Variants in BLZF1 observed in about 807,000 individuals in gnomAD.
BLZF1 encodes basic leucine zipper nuclear factor 1.
A neutral mutation model predicts 43.8 loss-of-function variants in BLZF1; 39 were observed. That is an observed-to-expected ratio of 0.89 (90% CI 0.69 to 1.16). The LOEUF (loss-of-function observed/expected upper bound fraction) is 1.16. Ranked by LOEUF, BLZF1 falls within the 50% of genes most tolerant of loss-of-function variation. BLZF1 has a pLI of 0.00. For missense variants in BLZF1, 449 were observed against 469.8 expected (o/e 0.96, Z 0.41); for synonymous variants, 136 against 159.4 (o/e 0.85, Z 1.11).
At position 169,369,565 on chromosome 1, in the gene BLZF1, T is replaced by TA; in HGVS notation, c.28+16dup. 1 of 1,586,088 alleles carries TA rather than the reference T, an allele frequency of 6.3e-7. No individual in the cohort carries two copies. The highest frequency in any genetic ancestry group is 1.1e-5 in the South Asian group (1 of 89,564). On this transcript the variant is annotated intron_variant, in intron 2 of 6. Coordinates refer to ENST00000367808, the MANE Select transcript of BLZF1 (RefSeq NM_001320973.2). ...AGAAACCAAAGGTAAGTGGCTTTTT[T>TA]ATAATTGTTTTTAAAACATGACATT...
chr1:169,381,985 G>A (rs1654539706), intron 5 of BLZF1, 77 bp from the exon 6 acceptor site: 1 of 1,037,636 alleles, frequency 9.6e-7, no homozygotes, highest in Admixed American at 2.3e-5. Context: ...AGAAATATTT[G>A]TATTACCTAT....
Position 169,382,116 on chromosome 1 carries a change from C to A in BLZF1, c.852C>A (p.Ser284=). Residue 284 remains serine, a synonymous_variant, in exon 6 of 7, where the codon TCC becomes TCA. Coordinates refer to ENST00000367808, the MANE Select transcript of BLZF1 (RefSeq NM_001320973.2). ...AATGGGGAAGAGAGCAAACTTACTCCCCTAGTGTACAACCCCACAGCACAG... is the reference window on the plus strand; with the variant it reads ...AATGGGGAAGAGAGCAAACTTACTCACCTAGTGTACAACCCCACAGCACAG... ...SLQWGREQTY[S]PSVQPHSTAE... 1.9e-6 allele frequency: 3 copies of A among 1,613,796 alleles called. No individual in the cohort carries two copies. The highest frequency in any genetic ancestry group is 2.5e-6 in the Non-Finnish European group (3 of 1,179,776).
downstream of BLZF1, among the ~76,000 whole-genome samples, chr1:169,390,670 C>G (rs897076467): frequency 2.0e-5 from 3 of 152,186 alleles, no homozygotes; most frequent in Admixed American, 2.0e-4. Flanking sequence ...GAGGCTAGAC[C>G]ATGTGATGCT....
In BLZF1 at chr1:169,393,666, A is replaced by G. The variant is rs575131108; in HGVS notation, c.*28-2228A>G. On this transcript the variant is annotated intron_variant, in intron 7 of 7. Coordinates refer to the BLZF1 transcript ENST00000329281. ...ACCCAGGCTGGAGTGCAGTGATGCA[A>G]TCTTGGCTCACTGCAACCTCCACTT... Among the ~76,000 whole-genome samples the G allele has an allele frequency of 2.8e-4, 42 of 149,040 alleles. No individual in the cohort carries two copies. The South Asian group carries it at 5.0e-3, about 18-fold the overall frequency.
chr1:169,368,876 A>T (rs1180479905), intron 1 of BLZF1, among the ~76,000 whole-genome samples: 1 of 151,990 alleles, frequency 6.6e-6, no homozygotes, highest in African/African-American at 2.4e-5. Context: ...TCACCTTCTT[A>T]TATGTTCTCT....
chr1:169,380,642 G>T (rs747713431), intron 5 of BLZF1, 33 bp downstream of exon 5: 1 of 1,601,716 alleles, frequency 6.2e-7, no homozygotes, highest in Non-Finnish European at 8.5e-7. Context: ...GAACTCTTCT[G>T]CTTTCTCCTG....
intron 2 of BLZF1, among the ~76,000 whole-genome samples, chr1:169,373,595 G>A (rs560869140): frequency 1.4e-4 from 22 of 152,254 alleles, no homozygotes; most frequent in African/African-American, 4.8e-4. Context: ...GAGCTCTCAC[G>A]TAATATATAA....
At chr1:169,369,347 A>G (rs1482729213) in intron 1 of BLZF1, 126 bp from the exon 2 acceptor site, 3 of 501,368 alleles carry the variant, frequency 6.0e-6, no homozygotes, top group African/African-American at 2.0e-5. Flanking sequence ...TATAAGGGAC[A>G]TTTCTCTTTC....
chr1:169,392,995 G>C (rs937832107), downstream of BLZF1, among the ~76,000 whole-genome samples: 2 of 152,122 alleles, frequency 1.3e-5, no homozygotes, highest in South Asian at 4.1e-4. Context: ...AGCGATTCTA[G>C]CAAAGTACTG....
intron 6 of BLZF1, 76 bp from the exon 7 acceptor site, chr1:169,386,920 TA>T (rs1435349874): frequency 1.0e-6 from 1 of 990,058 alleles, no homozygotes. Flanking sequence ...ACTTTATAGG[TA>T]GGTATACATC....
chr1:169,370,309 G>C (rs953828946), intron 2 of BLZF1, among the ~76,000 whole-genome samples: 8 of 152,168 alleles, frequency 5.3e-5, no homozygotes, highest in Non-Finnish European at 8.8e-5. Context: ...CTGAGGTAGT[G>C]GGGGGTTAGT....
Position 169,376,770 on chromosome 1 carries a change from G to A in BLZF1, c.259G>A (p.Ala87Thr). 3 of 1,613,318 alleles carry A rather than the reference G, an allele frequency of 1.9e-6. No individual in the cohort carries two copies. The highest frequency in any genetic ancestry group is 2.5e-6 in the Non-Finnish European group (3 of 1,179,566). The change falls in exon 3 of 7, where the codon GCT (alanine) becomes ACT (threonine). Residue 87 changes from alanine (A) to threonine (T), a missense_variant. Physicochemically the swap from Ala to Thr is moderately conservative, Grantham distance 58 (BLOSUM62 0). Coordinates refer to ENST00000367808, the MANE Select transcript of BLZF1 (RefSeq NM_001320973.2). ...TGTAAGAATATTAGTTCCCAAAGCT[G>A]CTATAACTCATGATATCCCCAACAA... ...KAVRILVPKA[A>T]ITHDIPNKNT...
intron 2 of BLZF1, among the ~76,000 whole-genome samples, chr1:169,373,792 G>A (rs1654206088): frequency 6.6e-6 from 1 of 152,014 alleles, no homozygotes; most frequent in Non-Finnish European, 1.5e-5. Flanking sequence ...TAATCATTTT[G>A]TAATTTGTTC....
chr1:169,379,670 T>G (rs1221628894), intron 4 of BLZF1, among the ~76,000 whole-genome samples: 1 of 152,052 alleles, frequency 6.6e-6, no homozygotes, highest in Non-Finnish European at 1.5e-5. Flanking sequence ...TGGTAGTAAC[T>G]GCAGTCTCAG....
At position 169,375,311 on chromosome 1, in the gene BLZF1, G is replaced by A. The variant is rs1438714604; in HGVS notation, c.29-1229G>A. 2.8e-5 allele frequency among the ~76,000 whole-genome samples: 4 copies of A among 145,116 alleles called. No individual in the cohort carries two copies. The Admixed American group carries it at 2.8e-4, about 10-fold the overall frequency. On this transcript the variant is annotated intron_variant, in intron 2 of 6. Coordinates refer to ENST00000367808, the MANE Select transcript of BLZF1 (RefSeq NM_001320973.2). ...ATTCTGTTTTAAGTCTTTGTTTTAG[G>A]AGATTACATTACACACACACATATA...
chr1:169,384,696 C>A (rs897508472), intron 6 of BLZF1, among the ~76,000 whole-genome samples: 5 of 152,112 alleles, frequency 3.3e-5, no homozygotes, highest in Non-Finnish European at 7.4e-5. Context: ...TCTTTTGTTG[C>A]CCAACCTCTG....
downstream of BLZF1, among the ~76,000 whole-genome samples, chr1:169,389,861 A>G (rs1318729952): frequency 1.3e-5 from 2 of 152,236 alleles, no homozygotes; most frequent in African/African-American, 2.4e-5. Flanking sequence ...TCAAATGTCA[A>G]ATGATTCCAT....
rs770036329 is a variant in BLZF1, at chr1:169,382,246, T to G, written c.982T>G (p.Phe328Val). ...NQKKIPSTVEFCSTPAEKMAE... is the reference protein window; with the variant it reads ...NQKKIPSTVEVCSTPAEKMAE... ...AAAAAAGATTCCATCAACAGTTGAATTCTGCAGCACCCCAGCTGAGAAAAT... is the reference window on the plus strand; with the variant it reads ...AAAAAAGATTCCATCAACAGTTGAAGTCTGCAGCACCCCAGCTGAGAAAAT... The change falls in exon 6 of 7, where the codon TTC becomes GTC. Residue 328 changes from phenylalanine (F) to valine (V), a missense_variant. Coordinates refer to ENST00000367808, the MANE Select transcript of BLZF1 (RefSeq NM_001320973.2). The G allele has an allele frequency of 6.2e-7, 1 of 1,613,748 alleles. No individual in the cohort carries two copies. The highest frequency in any genetic ancestry group is 8.5e-7 in the Non-Finnish European group (1 of 1,179,688).
At chr1:169,395,355 T>C in intron 7 of BLZF1, 1 of 665,062 alleles carries the variant, frequency 1.5e-6, no homozygotes, top group Non-Finnish European at 2.3e-6. Context: ...AACTGAAAAA[T>C]GTAAAGATTA....
Sources: gnomAD v4.1 joint callset for allele counts (sites outside exome capture counted in the v4.1 genomes callset) on GRCh38, gnomAD v4.1.1 for gene constraint, MANE v1.5 for transcripts, NCBI Gene and HGNC (gene_info 2026-07-23, HGNC 2026-07-21) for gene names.